The following DENND1B variants were observed in gnomAD, a reference collection of about 807,000 sequenced individuals.
DENND1B encodes DENN domain containing 1B.
DENND1B carries 59 observed loss-of-function variants against 90.1 expected under a neutral mutation model. That is an observed-to-expected ratio of 0.65 (90% CI 0.53 to 0.81). DENND1B has a LOEUF of 0.81. Ranked by LOEUF, DENND1B falls within the 40% of genes least tolerant of loss-of-function variation. DENND1B has a pLI of 0.00. For missense variants in DENND1B, 862 were observed against 912.6 expected (o/e 0.94, Z 0.71); for synonymous variants, 337 against 324.6 (o/e 1.04, Z -0.41).
chr1:197,605,036 A>G (rs1676545044), intron 13 of DENND1B, among the ~76,000 whole-genome samples: 1 of 151,022 alleles, frequency 6.6e-6, no homozygotes, highest in South Asian at 2.1e-4. Flanking sequence ...TTATTTGTCT[A>G]TTCTTTAAAT....
Position 197,595,296 on chromosome 1 carries a change from G to A in DENND1B, c.959C>T (p.Thr320Ile). The change falls in exon 14 of 23, where the codon ACA (threonine) becomes ATA (isoleucine). Residue 320 changes from threonine (T) to isoleucine (I), a missense_variant. Transcript: ENST00000620048. ...CCTAGCTACTCCATCACCCGTAGCT[G>A]TAGACTGCTTCTTCAGTTTATTTTT... is the stretch of plus-strand genomic sequence containing the variant. ...ALKNKLKKQS[T>I]ATGDGVARAF... 6.2e-7 allele frequency: 1 copy of A among 1,613,238 alleles called. No individual in the cohort carries two copies. The highest frequency in any genetic ancestry group is 8.5e-7 in the Non-Finnish European group (1 of 1,179,354).
intron 2 of DENND1B, among the ~76,000 whole-genome samples, chr1:197,758,680 T>C (rs1571644526): frequency 6.6e-6 from 1 of 152,194 alleles, no homozygotes; most frequent in South Asian, 2.1e-4. Context: ...ATGATGTCTA[T>C]CAGGTAAAAT....
chr1:197,735,702 AG>A, intron 2 of DENND1B: 7 of 1,613,968 alleles, frequency 4.3e-6, no homozygotes, highest in Non-Finnish European at 5.1e-6. Flanking sequence ...GCGCTACGCC[AG>A]GACCGACAGG....
At chr1:197,526,931 T>G (rs1669176552) in intron 20 of DENND1B, among the ~76,000 whole-genome samples, 1 of 152,204 alleles carries the variant, frequency 6.6e-6, no homozygotes, top group Non-Finnish European at 1.5e-5. Context: ...GTAACTATCT[T>G]CTTTTAAGGA....
At chr1:197,746,843 T>C (rs1482650494) in intron 2 of DENND1B, 2 of 1,611,780 alleles carry the variant, frequency 1.2e-6, no homozygotes, top group African/African-American at 2.7e-5. Flanking sequence ...CTGTGAATTT[T>C]CAACCTCCTT....
At chr1:197,762,259 TATTA>T (rs371272739) in intron 2 of DENND1B, among the ~76,000 whole-genome samples, 1 of 151,956 alleles carries the variant, frequency 6.6e-6, no homozygotes, top group African/African-American at 2.4e-5. Flanking sequence ...CCAAAAGGCT[TATTA>T]GTCAGCATTT....
chr1:197,695,331 T>C (rs1658322548), intron 3 of DENND1B, among the ~76,000 whole-genome samples: 2 of 151,048 alleles, frequency 1.3e-5, no homozygotes, highest in South Asian at 4.1e-4. Flanking sequence ...GTTATACCAC[T>C]ATAGTGGTTG....
At chr1:197,671,350 G>A (rs1321391661) in intron 5 of DENND1B, among the ~76,000 whole-genome samples, 1 of 152,076 alleles carries the variant, frequency 6.6e-6, no homozygotes, top group Non-Finnish European at 1.5e-5. Flanking sequence ...CCACAGGCAG[G>A]AGACATACTC....
At chr1:197,631,352 A>T (rs147808588) in intron 10 of DENND1B, among the ~76,000 whole-genome samples, 64 of 152,228 alleles carry the variant, frequency 4.2e-4, no homozygotes, top group African/African-American at 1.5e-3. Flanking sequence ...TTTTTTAGAC[A>T]AGAAATTTCA....
intron 15 of DENND1B, among the ~76,000 whole-genome samples, chr1:197,575,642 T>C (rs1474748514): frequency 3.9e-5 from 6 of 152,220 alleles, no homozygotes; most frequent in African/African-American, 7.2e-5. Context: ...TGTATGTTTA[T>C]TGCGGCACCA....
chr1:197,544,040 T>G (rs948855640), intron 18 of DENND1B, among the ~76,000 whole-genome samples: 2 of 152,180 alleles, frequency 1.3e-5, no homozygotes, highest in African/African-American at 4.8e-5. Flanking sequence ...AAAAATTTAT[T>G]GAACACAACA....
At chr1:197,535,900 C>G (rs1669841321) in intron 20 of DENND1B, among the ~76,000 whole-genome samples, 1 of 152,064 alleles carries the variant, frequency 6.6e-6, no homozygotes, top group African/African-American at 2.4e-5. Flanking sequence ...CCTATAAGAT[C>G]TGTGTCAAGG....
chr1:197,719,247 T>C (rs550081103), intron 2 of DENND1B, among the ~76,000 whole-genome samples: 65 of 152,068 alleles, frequency 4.3e-4, no homozygotes, highest in Non-Finnish European at 6.8e-4. Flanking sequence ...GCTAGAGATA[T>C]TTGTTTTTTT....
At chr1:197,590,013 A>T (rs1314208601) in intron 14 of DENND1B, among the ~76,000 whole-genome samples, 1 of 152,158 alleles carries the variant, frequency 6.6e-6, no homozygotes, top group Non-Finnish European at 1.5e-5. Context: ...AGCTTCTGAC[A>T]CAAGTGATAC....
chr1:197,507,030 T>C lies in DENND1B; in HGVS notation c.*3430A>G, dbSNP rs1315697075. The stretch of plus-strand genomic sequence containing the variant: ...TAATAATTGAGAAAGTTAATGAAAT[T>C]AGAAATGATACTATGGTTCATACTT... On this transcript the variant is annotated 3_prime_UTR_variant, in exon 23 of 23. Coordinates refer to ENST00000620048, the MANE Select transcript of DENND1B (RefSeq NM_001195215.2). 1 of 151,218 alleles carries C rather than the reference T, an allele frequency of 6.6e-6. No homozygotes were observed. The highest frequency in any genetic ancestry group is 1.5e-5 in the Non-Finnish European group (1 of 67,556). The allele number at this position is 151,218 out of a possible 1,614,324, so 9.4% of individuals were successfully genotyped here.
chr1:197,562,926 GA>G (rs1248137420), intron 15 of DENND1B, among the ~76,000 whole-genome samples: 16 of 151,826 alleles, frequency 1.1e-4, no homozygotes, highest in Admixed American at 4.6e-4. Flanking sequence ...GGTCTAGATA[GA>G]AAAAGTCAAA....
At chr1:197,555,341 A>G (rs966374858) in intron 15 of DENND1B, among the ~76,000 whole-genome samples, 2 of 152,128 alleles carry the variant, frequency 1.3e-5, no homozygotes, top group African/African-American at 4.8e-5. Context: ...AAATGTAACA[A>G]AACCAAAAAT....
Position 197,650,654 on chromosome 1 carries a change from G to GTA in DENND1B, c.447+1579_447+1580dup, listed in dbSNP as rs200136276. On this transcript the variant is annotated intron_variant, in intron 7 of 22. Coordinates refer to ENST00000620048, the MANE Select transcript of DENND1B (RefSeq NM_001195215.2). ...TCAACAAGTGGATAAAGAAACTGCAGTATATATATATGATGGAATACTACT... is the reference window on the plus strand; with the variant it reads ...TCAACAAGTGGATAAAGAAACTGCAGTATATATATATATGATGGAATACTACT... 5.8e-3 allele frequency among the ~76,000 whole-genome samples: 876 copies of GTA among 152,102 alleles called. 11 individuals are homozygous for GTA. Among genetic ancestry groups the GTA allele is most frequent in the African/African-American group, 0.019 (808 of 41,492 alleles).
At chr1:197,714,921 T>C (rs892668067) in intron 3 of DENND1B, 110 bp downstream of exon 3, 2 of 787,114 alleles carry the variant, frequency 2.5e-6, no homozygotes, top group Non-Finnish European at 4.3e-6. Flanking sequence ...GAGAAAATAA[T>C]TTTAGCAATC....
Sources: gnomAD v4.1 joint callset for allele counts (sites outside exome capture counted in the v4.1 genomes callset) on GRCh38, gnomAD v4.1.1 for gene constraint, MANE v1.5 for transcripts, NCBI Gene and HGNC (gene_info 2026-07-23, HGNC 2026-07-21) for gene names.